Variants in ARHGEF18 observed in about 807,000 individuals in gnomAD.
The protein encoded by ARHGEF18 is Rho/Rac guanine nucleotide exchange factor 18.
Under a neutral mutation model 155.7 loss-of-function variants are expected in ARHGEF18, and 93 were observed. That is an observed-to-expected ratio of 0.60 (90% confidence interval 0.50 to 0.71). ARHGEF18 has a LOEUF of 0.71. Ranked by LOEUF, ARHGEF18 falls within the 30% of genes least tolerant of loss-of-function variation. The pLI is 0.00. For missense variants in ARHGEF18, 1,593 were observed against 1,816.1 expected (o/e 0.88, Z 2.23); for synonymous variants, 742 against 753.1 (o/e 0.99, Z 0.24).
chr19:7,453,246 T>C (rs1417289499), intron 16 of ARHGEF18, among the ~76,000 whole-genome samples: 3 of 151,834 alleles, frequency 2.0e-5, no homozygotes, highest in African/African-American at 7.3e-5. Context: ...GTGTTGCATT[T>C]ATTTTGGAGA....
intron 10 of ARHGEF18, among the ~76,000 whole-genome samples, chr19:7,424,074 GAC>G (rs35381608): frequency 0.53 from 80,792 of 151,456 alleles, 21,906 homozygotes; most frequent in Middle Eastern, 0.74. Flanking sequence ...GCCCAGGCTG[GAC>G]AGTGCAATGG....
intron 1 of ARHGEF18, among the ~76,000 whole-genome samples, chr19:7,350,130 G>A (rs1283051150): frequency 6.6e-6 from 1 of 152,172 alleles, no homozygotes; most frequent in Non-Finnish European, 1.5e-5. Context: ...GCCTGCCTGG[G>A]ACTGGGAGGG....
chr19:7,374,049 C>A (rs528347009), intron 3 of ARHGEF18, among the ~76,000 whole-genome samples: 1 of 152,106 alleles, frequency 6.6e-6, no homozygotes, highest in East Asian at 1.9e-4. Flanking sequence ...CATGAGTCAC[C>A]ATGCCGGGCC....
chr19:7,421,847 G>C (rs945574416), intron 10 of ARHGEF18, among the ~76,000 whole-genome samples: 1 of 152,150 alleles, frequency 6.6e-6, no homozygotes, highest in African/African-American at 2.4e-5. Flanking sequence ...TCTGAGCAGA[G>C]GGTCCTGGGT....
chr19:7,406,739 G>A (rs1309596375), intron 10 of ARHGEF18, among the ~76,000 whole-genome samples: 7 of 152,082 alleles, frequency 4.6e-5, no homozygotes, highest in Non-Finnish European at 1.0e-4. Context: ...CCTAGCGTAG[G>A]AGCTGGTTGC....
intron 16 of ARHGEF18, among the ~76,000 whole-genome samples, 194 bp from the exon 17 acceptor site, chr19:7,453,270 CAGG>C (rs1975608751): frequency 1.3e-5 from 2 of 148,856 alleles, no homozygotes; most frequent in Admixed American, 6.7e-5. Context: ...ATTTGCATCT[CAGG>C]AGATTACATT....
chr19:7,427,298 G>A (rs1310738307), intron 10 of ARHGEF18, among the ~76,000 whole-genome samples: 1 of 152,158 alleles, frequency 6.6e-6, no homozygotes, highest in Non-Finnish European at 1.5e-5. Flanking sequence ...CAGTACCCTG[G>A]AGGGGGGATG....
Position 7,456,534 on chromosome 19 carries a change from T to C in ARHGEF18, c.2181+131T>C, listed in dbSNP as rs1975840814. 22 of 795,266 alleles carry C rather than the reference T, an allele frequency of 2.8e-5. No homozygotes were observed. The South Asian group carries it at 3.2e-4, about 11-fold the overall frequency. The allele number at this position is 795,266 out of a possible 1,614,324, so 49.3% of individuals were successfully genotyped here. ...GAGTTGAAGTCCAGCCTGGCCAACA[T>C]GGTGAAACCTCACCTCTACTAAAAA... On this transcript the variant is annotated intron_variant, in intron 18 of 28. Transcript: ENST00000668164.
intron 10 of ARHGEF18, among the ~76,000 whole-genome samples, chr19:7,414,289 A>G (rs1012837838): frequency 2.6e-5 from 4 of 152,196 alleles, no homozygotes; most frequent in Admixed American, 6.5e-5. Context: ...AAGCAACCAT[A>G]TAAGTACAGG....
At chr19:7,434,284 T>A (rs748877287) in intron 10 of ARHGEF18, among the ~76,000 whole-genome samples, 2 of 152,114 alleles carry the variant, frequency 1.3e-5, no homozygotes, top group African/African-American at 2.4e-5. Context: ...CCACTGTGCC[T>A]GGCCAGGGAC....
At chr19:7,381,737 C>T (rs924153985) in intron 8 of ARHGEF18, among the ~76,000 whole-genome samples, 1 of 148,038 alleles carries the variant, frequency 6.8e-6, no homozygotes, top group African/African-American at 2.6e-5. Flanking sequence ...ATAAAAAGAG[C>T]AGTGGGGCCT....
At chr19:7,455,712 G>C (rs1212267726) in intron 17 of ARHGEF18, among the ~76,000 whole-genome samples, 1 of 152,184 alleles carries the variant, frequency 6.6e-6, no homozygotes, top group Non-Finnish European at 1.5e-5. Flanking sequence ...ACCAAAGAAA[G>C]AGGTTTAATG....
At chr19:7,388,042 T>C (rs1426682732) in intron 10 of ARHGEF18, among the ~76,000 whole-genome samples, 1 of 152,046 alleles carries the variant, frequency 6.6e-6, no homozygotes, top group Non-Finnish European at 1.5e-5. Flanking sequence ...CGAGGTTATC[T>C]GGTAGCAAGC....
intron 10 of ARHGEF18, among the ~76,000 whole-genome samples, chr19:7,410,850 T>G (rs1972634057): frequency 6.8e-6 from 1 of 147,180 alleles, no homozygotes. Flanking sequence ...CTTGTCATTT[T>G]GATTTCTGCC....
rs1185709548 is a variant in ARHGEF18, at chr19:7,361,991, G to GGAA, written c.-110-767_-110-765dup. 7.2e-4 allele frequency among the ~76,000 whole-genome samples: 57 copies of GGAA among 79,214 alleles called. 6 individuals are homozygous for GGAA. The East Asian group carries it at 0.016, about 22-fold the overall frequency. The allele number at this position is 79,214 out of a possible 152,430, so 52.0% of individuals were successfully genotyped here. On this transcript the variant is annotated intron_variant, in intron 1 of 28. Transcript: ENST00000668164. ...TGGGGGCAACAGAGCAAGACTCTGT[G>GGAA]GAAGAAGAAGAAGAAGAAGAAGAAG...
Position 7,439,720 on chromosome 19 carries a change from A to C in ARHGEF18, c.968-624A>C. ...ATGCCCTGCCATCTCTGGGTCTTAGAGTCACCCTAACATCTGATCTAGATT... is the reference window on the plus strand; with the variant it reads ...ATGCCCTGCCATCTCTGGGTCTTAGCGTCACCCTAACATCTGATCTAGATT... On this transcript the variant is annotated intron_variant, in intron 10 of 28. Coordinates refer to ENST00000668164, the MANE Select transcript of ARHGEF18 (RefSeq NM_001367823.1). 3.1e-6 allele frequency: 4 copies of C among 1,309,398 alleles called. 1 individual carries two copies. The South Asian group carries it at 8.6e-5, about 28-fold the overall frequency. 81.1% of individuals were successfully genotyped at this position (1,309,398 alleles called of 1,614,324 possible).
intron 10 of ARHGEF18, among the ~76,000 whole-genome samples, chr19:7,385,870 T>TCTCTCTCTC (rs1555704468): frequency 3.4e-5 from 1 of 29,566 alleles, no homozygotes; most frequent in Admixed American, 3.6e-4. Context: ...TCTCTCTCTC[T>TCTCTCTCTC]CCCCCCTCCC....
At position 7,467,483 on chromosome 19, in the gene ARHGEF18, C is replaced by T. The variant is rs1370712426; in HGVS notation, c.3279C>T (p.Gly1093=). The T allele has an allele frequency of 2.8e-6, 4 of 1,451,184 alleles. No homozygotes were observed. Among genetic ancestry groups the T allele is most frequent in the Admixed American group, 2.8e-5 (1 of 35,536 alleles). 89.9% of individuals were successfully genotyped at this position (1,451,184 alleles called of 1,614,324 possible). A position where few individuals can be genotyped will look rare whatever the true frequency, so the allele number is the denominator to read the frequency against. ...RAGARLQERE[G]EARQLRERLE... ...GCGCGCGGCTGCAGGAGCGCGAGGG[C>T]GAGGCGCGGCAGCTACGCGAGCGGC... Residue 1093 remains glycine (G), a synonymous_variant, in exon 26 of 29, where the codon GGC becomes GGT. Transcript: ENST00000668164.
At position 7,441,649 on chromosome 19, in the gene ARHGEF18, T is replaced by C. The variant is rs1207426616; in HGVS notation, c.1107-4T>C. 6.2e-7 allele frequency: 1 copy of C among 1,613,128 alleles called. No individual in the cohort carries two copies. Among genetic ancestry groups the C allele is most frequent in the Non-Finnish European group, 8.5e-7 (1 of 1,179,092 alleles). On this transcript the variant is annotated splice_region_variant and splice_polypyrimidine_tract_variant and intron_variant, in intron 11 of 28. Transcript: ENST00000668164. ...AAACAATTGTTTTTATTGTTTGCAC[T>C]CAGACCAATCACAGGAGAGATGGAT...
Sources: gnomAD v4.1 joint callset for allele counts (sites outside exome capture counted in the v4.1 genomes callset) on GRCh38, gnomAD v4.1.1 for gene constraint, MANE v1.5 for transcripts, NCBI Gene and HGNC (gene_info 2026-07-23, HGNC 2026-07-21) for gene names.